The following HSDL2 variants were observed in gnomAD, a reference collection of about 807,000 sequenced individuals.
The protein encoded by HSDL2 is hydroxysteroid dehydrogenase like 2, also known as hydroxysteroid dehydrogenase-like protein 2.
In HSDL2, 27 loss-of-function variants were observed where a neutral mutation model predicts 46.3. The ratio of observed to expected loss-of-function variants is 0.58; its 90% CI spans 0.43 to 0.80. The LOEUF (loss-of-function observed/expected upper bound fraction) is 0.80, where lower values mean the gene tolerates loss of function less well. Among genes scored for constraint, HSDL2 ranks in the 30% least tolerant of loss-of-function variants. The pLI is 0.00. For synonymous variants in HSDL2, 153 were observed against 163.6 expected (o/e 0.94, Z 0.50); for missense variants, 451 against 502.7 (o/e 0.90, Z 0.98).
rs995249034 is a variant in HSDL2, at chr9:112,452,252, G to A, written c.866-1761G>A. Among the ~76,000 whole-genome samples, 5 of 152,250 alleles carry A rather than the reference G, an allele frequency of 3.3e-5. No individual in the cohort carries two copies. In the East Asian group the frequency reaches 5.8e-4, roughly 18 times the overall value. Reference sequence around the variant, plus strand: ...ACTTTGTACTATGGAGTATCTTTATGCTGTCAATTAGATTTCATGTAATAA... The same window carrying A: ...ACTTTGTACTATGGAGTATCTTTATACTGTCAATTAGATTTCATGTAATAA... On this transcript the variant is annotated intron_variant, in intron 8 of 10. Transcript: ENST00000398805.
At chr9:112,382,830 G>A (rs1435279864) in intron 1 of HSDL2, among the ~76,000 whole-genome samples, 2 of 152,008 alleles carry the variant, frequency 1.3e-5, no homozygotes, top group East Asian at 3.9e-4. Flanking sequence ...AGTTTTTCAT[G>A]TTGCATCTGG....
intron 10 of HSDL2, among the ~76,000 whole-genome samples, chr9:112,461,349 T>C (rs1447425463): frequency 5.9e-5 from 9 of 152,142 alleles, no homozygotes. Context: ...AAAGTGCTGG[T>C]ATTACAAATG....
At chr9:112,400,622 A>G (rs1008879153) in intron 1 of HSDL2, among the ~76,000 whole-genome samples, 1 of 152,196 alleles carries the variant, frequency 6.6e-6, no homozygotes, top group South Asian at 2.1e-4. Flanking sequence ...AACAAAACAA[A>G]CAGAACCACA....
intron 5 of HSDL2, among the ~76,000 whole-genome samples, chr9:112,417,198 TA>T (rs1832013486): frequency 6.6e-6 from 1 of 152,340 alleles, no homozygotes; most frequent in East Asian, 1.9e-4. Context: ...GAAATGTATA[TA>T]ACCAACACCC....
intron 6 of HSDL2, among the ~76,000 whole-genome samples, chr9:112,424,767 C>T (rs1832209934): frequency 6.6e-6 from 1 of 151,468 alleles, no homozygotes; most frequent in Non-Finnish European, 1.5e-5. Flanking sequence ...GAAGACTAGT[C>T]CCATCCATTT....
intron 1 of HSDL2, among the ~76,000 whole-genome samples, chr9:112,399,823 T>C (rs1022913932): frequency 2.0e-5 from 3 of 152,130 alleles, no homozygotes; most frequent in Admixed American, 6.5e-5. Context: ...AAAATCACTG[T>C]TATTCTGTTC....
chr9:112,412,867 G>A (rs1831908362), intron 4 of HSDL2, among the ~76,000 whole-genome samples: 1 of 151,870 alleles, frequency 6.6e-6, no homozygotes. Flanking sequence ...ACTTTGGGAG[G>A]CCGAGGCAGG....
At chr9:112,390,102 T>G (rs911903277) in intron 1 of HSDL2, among the ~76,000 whole-genome samples, 1 of 84,226 alleles carries the variant, frequency 1.2e-5, no homozygotes, top group East Asian at 3.2e-4. Context: ...ATAAATAAAG[T>G]AAAAAATAAA....
chr9:112,393,327 C>A (rs1019653345), intron 1 of HSDL2, among the ~76,000 whole-genome samples: 5 of 152,220 alleles, frequency 3.3e-5, no homozygotes, highest in African/African-American at 1.2e-4. Flanking sequence ...GACCATTTCC[C>A]ATGACTCATC....
intron 1 of HSDL2, among the ~76,000 whole-genome samples, chr9:112,386,088 A>C (rs1329360284): frequency 1.3e-5 from 2 of 151,954 alleles, no homozygotes; most frequent in Non-Finnish European, 2.9e-5. Flanking sequence ...CTAATTAAAA[A>C]AATATTTTTT....
intron 6 of HSDL2, among the ~76,000 whole-genome samples, chr9:112,420,146 G>C (rs1832086447): frequency 6.6e-6 from 1 of 152,078 alleles, no homozygotes; most frequent in Non-Finnish European, 1.5e-5. Context: ...TTTGAGACAA[G>C]CCTGGGTAGC....
At chr9:112,382,502 G>C (rs1185811148) in intron 1 of HSDL2, among the ~76,000 whole-genome samples, 1 of 152,072 alleles carries the variant, frequency 6.6e-6, no homozygotes, top group Admixed American at 6.6e-5. Flanking sequence ...TTTAAACCAG[G>C]GACAATTTGA....
Position 112,405,617 on chromosome 9 carries a change from A to G in HSDL2, c.182-7A>G. On this transcript the variant is annotated splice_polypyrimidine_tract_variant and splice_region_variant and intron_variant, in intron 2 of 10. Coordinates refer to ENST00000398805, the MANE Select transcript of HSDL2 (RefSeq NM_032303.5). ...AACGCTTTTTCATTTTGTATCCTTT[A>G]TATAAGTTGAAGCAGTTGGAGGAAA... The G allele has an allele frequency of 6.3e-7, 1 of 1,582,058 alleles. No individual in the cohort carries two copies. Among genetic ancestry groups the G allele is most frequent in the Non-Finnish European group, 8.7e-7 (1 of 1,155,218 alleles).
At chr9:112,459,367 G>A (rs971974305) in intron 9 of HSDL2, 82 bp from the exon 10 acceptor site, 7 of 1,454,944 alleles carry the variant, frequency 4.8e-6, no homozygotes, top group Non-Finnish European at 6.6e-6. Flanking sequence ...CATTTTGTAA[G>A]ATTATTCTAA....
chr9:112,460,153 TAA>T (rs1205795659), intron 10 of HSDL2, among the ~76,000 whole-genome samples: 2 of 152,236 alleles, frequency 1.3e-5, no homozygotes, highest in Non-Finnish European at 2.9e-5. Flanking sequence ...CTCCAAATGA[TAA>T]GTTAATTAAC....
intron 6 of HSDL2, among the ~76,000 whole-genome samples, chr9:112,427,783 T>C (rs1343397907): frequency 1.3e-5 from 2 of 152,222 alleles, no homozygotes; most frequent in African/African-American, 4.8e-5. Context: ...ATTAGTATAT[T>C]GTTTATTCCC....
At chr9:112,453,359 C>T (rs1263652305) in intron 8 of HSDL2, among the ~76,000 whole-genome samples, 1 of 152,078 alleles carries the variant, frequency 6.6e-6, no homozygotes, top group South Asian at 2.1e-4. Flanking sequence ...TGATTATCAT[C>T]CCTCATACTC....
At chr9:112,422,029 T>G (rs1441281948) in intron 6 of HSDL2, among the ~76,000 whole-genome samples, 1 of 151,572 alleles carries the variant, frequency 6.6e-6, no homozygotes, top group Non-Finnish European at 1.5e-5. Context: ...TTCAACAGGG[T>G]GACTCAACAG....
Position 112,438,607 on chromosome 9 carries a change from G to A in HSDL2, c.775G>A (p.Val259Ile), listed in dbSNP as rs374803590. Residue 259 changes from valine to isoleucine, a missense_variant, in exon 7 of 11, where the codon GTT (valine) becomes ATT (isoleucine). Physicochemically the swap from Val to Ile is conservative, Grantham distance 29. Coordinates refer to ENST00000398805, the MANE Select transcript of HSDL2 (RefSeq NM_032303.5). ...LKEEGIENFD[V>I]YAIKPGHPLQ... is the part of the protein sequence containing the mutation. ...AGAAGAAGGAATAGAAAATTTTGAC[G>A]TTTATGCAATTAAACCAGGTAATGC... The A allele has an allele frequency of 2.4e-5, 38 of 1,586,464 alleles. No individual in the cohort carries two copies. In the East Asian group the frequency reaches 4.3e-4, roughly 18 times the overall value.
Sources: gnomAD v4.1 joint callset for allele counts (sites outside exome capture counted in the v4.1 genomes callset) on GRCh38, gnomAD v4.1.1 for gene constraint, MANE v1.5 for transcripts, NCBI Gene and HGNC (gene_info 2026-07-23, HGNC 2026-07-21) for gene names.